Variants in PCDH7 observed in about 807,000 individuals in gnomAD.
PCDH7 encodes the protein protocadherin 7.
PCDH7 carries 17 observed loss-of-function variants against 58.9 expected under a neutral mutation model. The ratio of observed to expected loss-of-function variants is 0.29; its 90% CI spans 0.20 to 0.43. PCDH7 has a LOEUF of 0.43. PCDH7 is among the 20% of genes least tolerant of loss of function. PCDH7 has a pLI of 1.00. For missense variants in PCDH7, 1,274 were observed against 1,441.0 expected, an observed-to-expected ratio of 0.88 and a Z score of 1.88; for synonymous variants, 664 against 616.4, an observed-to-expected ratio of 1.08 and a Z score of -1.14.
At chr4:31,098,963 C>A (rs1188641661) in intron 3 of PCDH7, among the ~76,000 whole-genome samples, 1 of 152,110 alleles carries the variant, frequency 6.6e-6, no homozygotes, top group Non-Finnish European at 1.5e-5. Flanking sequence ...ATTCTGTGCA[C>A]ACTCCTCTCT....
intron 1 of PCDH7, chr4:30,724,849 G>C: frequency 7.7e-7 from 1 of 1,293,176 alleles, no homozygotes; most frequent in East Asian, 3.0e-5. Flanking sequence ...GTGTTTGGCA[G>C]TTCTCTTTGC....
chr4:31,048,628 T>G (rs1158554395), intron 3 of PCDH7, among the ~76,000 whole-genome samples: 2 of 152,024 alleles, frequency 1.3e-5, no homozygotes, highest in African/African-American at 2.4e-5. Flanking sequence ...CTTGGAAGCC[T>G]CAAGCTTTTA....
At chr4:30,820,768 G>T (rs1728273991) in intron 1 of PCDH7, among the ~76,000 whole-genome samples, 1 of 152,028 alleles carries the variant, frequency 6.6e-6, no homozygotes, top group Non-Finnish European at 1.5e-5. Context: ...ATGTGTAATT[G>T]ATCTATTTAG....
In PCDH7 at chr4:30,896,422, G is replaced by A. The variant is rs532703408; in HGVS notation, c.71-23731G>A. Among the ~76,000 whole-genome samples, 19 of 151,902 alleles carry A rather than the reference G, an allele frequency of 1.3e-4. 1 individual carries two copies. The highest frequency in any genetic ancestry group is 4.6e-4 in the African/African-American group (19 of 41,398). On this transcript the variant is annotated intron_variant, in intron 1 of 3. Transcript: ENST00000509759. ...AAATGTGTTTCTACCCCCACCTTGG[G>A]CTCTAATCCACCATGAATGATAACC... is the stretch of plus-strand genomic sequence containing the variant.
intron 3 of PCDH7, among the ~76,000 whole-genome samples, chr4:31,007,628 T>A (rs1752877798): frequency 6.6e-6 from 1 of 151,842 alleles, no homozygotes; most frequent in South Asian, 2.1e-4. Context: ...CTAAGGCAAT[T>A]GTCTAAATAG....
Position 31,142,470 on chromosome 4 carries a change from C to G in PCDH7, c.*8-3C>G. ...CTAATGGCTTATTCTCCTTGGATTT[C>G]AGATTCAAGGCCTCTTCCAGATGTA... On this transcript the variant is annotated splice_polypyrimidine_tract_variant and splice_region_variant and intron_variant, in intron 3 of 3. Coordinates refer to the PCDH7 transcript ENST00000509759. The G allele has an allele frequency of 7.3e-7, 1 of 1,364,462 alleles. No individual in the cohort carries two copies. Among genetic ancestry groups the G allele is most frequent in the African/African-American group, 1.5e-5 (1 of 67,732 alleles). 84.5% of individuals were successfully genotyped at this position (1,364,462 alleles called of 1,614,324 possible).
chr4:30,903,922 T>G (rs1740556431), intron 1 of PCDH7, among the ~76,000 whole-genome samples: 1 of 152,202 alleles, frequency 6.6e-6, no homozygotes, highest in African/African-American at 2.4e-5. Flanking sequence ...ATTTTACACT[T>G]ATTAAGCTAA....
chr4:30,888,167 C>A (rs1578177544), intron 1 of PCDH7, among the ~76,000 whole-genome samples: 2 of 152,112 alleles, frequency 1.3e-5, no homozygotes, highest in South Asian at 4.2e-4. Context: ...AGCCACTGTG[C>A]CCAGCCGGCC....
chr4:30,905,888 C>T (rs897235099), intron 1 of PCDH7, among the ~76,000 whole-genome samples: 1 of 152,114 alleles, frequency 6.6e-6, no homozygotes, highest in Non-Finnish European at 1.5e-5. Context: ...GATCTTGCAG[C>T]CTTTTACACA....
chr4:30,907,462 A>G (rs1741108829), intron 1 of PCDH7, among the ~76,000 whole-genome samples: 1 of 152,222 alleles, frequency 6.6e-6, no homozygotes, highest in Admixed American at 6.5e-5. Context: ...ACACTTCTCA[A>G]AAGAAGACAT....
downstream of PCDH7, among the ~76,000 whole-genome samples, chr4:30,736,739 T>C (rs1340733726): frequency 2.0e-5 from 3 of 151,926 alleles, no homozygotes; most frequent in Non-Finnish European, 4.4e-5. Context: ...GGTATCACCG[T>C]GTCAGCCAGG....
chr4:30,940,539 A>G (rs1470513476), intron 2 of PCDH7, among the ~76,000 whole-genome samples: 1 of 152,022 alleles, frequency 6.6e-6, no homozygotes, highest in Non-Finnish European at 1.5e-5. Context: ...CACTAAGACA[A>G]AGATTTAGTT....
At chr4:30,813,672 A>C (rs931830455) in intron 1 of PCDH7, among the ~76,000 whole-genome samples, 2 of 152,056 alleles carry the variant, frequency 1.3e-5, no homozygotes, top group African/African-American at 4.8e-5. Context: ...ATGGAGTTTT[A>C]CTTTTTTTGT....
At position 30,892,206 on chromosome 4, in the gene PCDH7, A is replaced by G. The variant is rs1359445136; in HGVS notation, c.71-27947A>G. Among the ~76,000 whole-genome samples, 4 of 152,180 alleles carry G rather than the reference A, an allele frequency of 2.6e-5. No individual in the cohort carries two copies. In the East Asian group the frequency reaches 7.7e-4, roughly 29 times the overall value. ...CACTGAGACATTACTGATATAATTTATTATACTAGGTAAATATAAGGTACC... is the reference window on the plus strand; with the variant it reads ...CACTGAGACATTACTGATATAATTTGTTATACTAGGTAAATATAAGGTACC... On this transcript the variant is annotated intron_variant, in intron 1 of 3. Transcript: ENST00000509759.
At chr4:31,026,482 G>C (rs1170609200) in intron 3 of PCDH7, among the ~76,000 whole-genome samples, 3 of 152,164 alleles carry the variant, frequency 2.0e-5, no homozygotes, top group African/African-American at 7.2e-5. Flanking sequence ...ACATATTATG[G>C]AGCTGACAGA....
At chr4:30,872,706 A>G (rs180752156) in intron 1 of PCDH7, among the ~76,000 whole-genome samples, 90 of 152,202 alleles carry the variant, frequency 5.9e-4, no homozygotes, top group Non-Finnish European at 8.4e-4. Flanking sequence ...AGGCATTCAT[A>G]TGTAGTTTTT....
chr4:30,924,964 T>G (rs1292024215), intron 2 of PCDH7, among the ~76,000 whole-genome samples: 1 of 152,130 alleles, frequency 6.6e-6, no homozygotes, highest in Non-Finnish European at 1.5e-5. Context: ...ATTTGGCCAC[T>G]CTAAATCCCT....
chr4:30,750,726 T>G (rs553999973), intron 1 of PCDH7, among the ~76,000 whole-genome samples: 1 of 152,290 alleles, frequency 6.6e-6, no homozygotes, highest in East Asian at 1.9e-4. Flanking sequence ...TGCTGCATTC[T>G]AGGTACTGGC....
intron 1 of PCDH7, among the ~76,000 whole-genome samples, chr4:30,759,775 G>A (rs971243912): frequency 5.9e-5 from 9 of 151,986 alleles, no homozygotes; most frequent in Non-Finnish European, 1.0e-4. Context: ...AATTAACAGT[G>A]GTTAAGTGCT....
Sources: allele counts gnomAD v4.1 joint callset (sites outside exome capture counted in the v4.1 genomes callset), GRCh38; gene constraint gnomAD v4.1.1; transcripts MANE v1.5; gene names NCBI Gene and HGNC (gene_info 2026-07-23, HGNC 2026-07-21).